Variants in L3MBTL4 observed in about 807,000 individuals in gnomAD.
L3MBTL4 encodes the protein lethal(3)malignant brain tumor-like protein 4.
L3MBTL4 carries 70 observed loss-of-function variants against 84.5 expected under a neutral mutation model. That is an observed-to-expected ratio of 0.83 (90% CI 0.68 to 1.01). The LOEUF (loss-of-function observed/expected upper bound fraction) is 1.01. Among genes scored for constraint, L3MBTL4 ranks in the 50% least tolerant of loss-of-function variants. L3MBTL4 has a pLI of 0.00. For missense variants in L3MBTL4, 715 were observed against 754.8 expected, an observed-to-expected ratio of 0.95 and a Z score of 0.62; for synonymous variants, 274 against 259.8, an observed-to-expected ratio of 1.05 and a Z score of -0.52.
intron 14 of L3MBTL4, among the ~76,000 whole-genome samples, chr18:6,114,536 G>A (rs2059298936): frequency 1.3e-5 from 2 of 151,978 alleles, no homozygotes; most frequent in Admixed American, 1.3e-4. Context: ...ATCATTTCTT[G>A]TAGATTCTGT....
intron 5 of L3MBTL4, among the ~76,000 whole-genome samples, chr18:6,251,173 G>T (rs576759137): frequency 6.6e-6 from 1 of 152,236 alleles, no homozygotes; most frequent in Non-Finnish European, 1.5e-5. Flanking sequence ...GCCCTTGCAG[G>T]CTTCGCTAAA....
intron 1 of L3MBTL4, among the ~76,000 whole-genome samples, chr18:6,384,562 A>C (rs1030385263): frequency 2.0e-5 from 3 of 152,244 alleles, no homozygotes; most frequent in Non-Finnish European, 4.4e-5. Context: ...AATCTGGGAC[A>C]CTATTTCTAA....
At chr18:6,259,628 A>T (rs1002728355) in intron 5 of L3MBTL4, 1 of 148,474 alleles carries the variant, frequency 6.7e-6, no homozygotes, top group East Asian at 2.0e-4. Flanking sequence ...GCCCATTTTT[A>T]ATGGGTTAAT....
chr18:6,244,346 T>A lies in L3MBTL4; in HGVS notation c.324+138A>T, dbSNP rs2047570378. 5.9e-6 allele frequency: 3 copies of A among 511,012 alleles called. No individual in the cohort carries two copies. The East Asian group carries it at 9.8e-5, about 17-fold the overall frequency. The allele number at this position is 511,012 out of a possible 1,614,324, so 31.7% of individuals were successfully genotyped here. A position where few individuals can be genotyped will look rare whatever the true frequency, so the allele number is the denominator to read the frequency against. ...AAAAAATTCACTAAGAAACATAGTT[T>A]CACCCATCGCTGACTAAAATAAATC... On this transcript the variant is annotated intron_variant, in intron 6 of 18. Transcript: ENST00000317931.
At chr18:6,028,912 TTA>T (rs2055642087) in intron 16 of L3MBTL4, among the ~76,000 whole-genome samples, 1 of 152,148 alleles carries the variant, frequency 6.6e-6, no homozygotes, top group African/African-American at 2.4e-5. Context: ...CCCCACAAGA[TTA>T]TCAGTTTTCA....
chr18:5,978,546 C>T (rs1033850002), intron 16 of L3MBTL4, among the ~76,000 whole-genome samples: 11 of 152,174 alleles, frequency 7.2e-5, no homozygotes, highest in Admixed American at 3.9e-4. Flanking sequence ...ACTGGAGTGG[C>T]TCTTATTTTG....
chr18:6,198,720 A>C (rs1268023933), intron 12 of L3MBTL4, among the ~76,000 whole-genome samples: 1 of 152,208 alleles, frequency 6.6e-6, no homozygotes, highest in Non-Finnish European at 1.5e-5. Flanking sequence ...ATCTCAGCCT[A>C]TTCAAAGGGG....
intron 16 of L3MBTL4, among the ~76,000 whole-genome samples, chr18:5,993,929 G>C (rs1329545688): frequency 6.6e-6 from 1 of 152,174 alleles, no homozygotes; most frequent in Non-Finnish European, 1.5e-5. Context: ...TATTATGTTA[G>C]TAAAGTTAGA....
intron 1 of L3MBTL4, among the ~76,000 whole-genome samples, chr18:6,328,885 C>A (rs1448388474): frequency 2.0e-5 from 3 of 152,162 alleles, no homozygotes; most frequent in Admixed American, 2.0e-4. Flanking sequence ...ATACACAGAG[C>A]TCTGCTGGAA....
At chr18:6,228,716 C>A (rs1440041677) in intron 10 of L3MBTL4, among the ~76,000 whole-genome samples, 2 of 152,040 alleles carry the variant, frequency 1.3e-5, no homozygotes, top group Non-Finnish European at 2.9e-5. Context: ...TGTATTTTCT[C>A]CTGCCGCAGG....
At chr18:6,390,635 A>G (rs1365829028) in intron 1 of L3MBTL4, among the ~76,000 whole-genome samples, 1 of 152,226 alleles carries the variant, frequency 6.6e-6, no homozygotes, top group Non-Finnish European at 1.5e-5. Flanking sequence ...ATTAGAAATG[A>G]AAGTGGAGAC....
At chr18:6,264,800 G>A (rs960956630) in intron 4 of L3MBTL4, among the ~76,000 whole-genome samples, 10 of 152,146 alleles carry the variant, frequency 6.6e-5, no homozygotes, top group Admixed American at 5.9e-4. Flanking sequence ...AAAAAAAATC[G>A]TTCCTAAAAG....
intron 16 of L3MBTL4, among the ~76,000 whole-genome samples, chr18:6,055,518 T>C (rs1288682131): frequency 6.6e-6 from 1 of 152,236 alleles, no homozygotes; most frequent in Non-Finnish European, 1.5e-5. Context: ...TGATTGATTT[T>C]TTTGCTGGGG....
chr18:6,240,095 C>T (rs2576291), intron 8 of L3MBTL4, among the ~76,000 whole-genome samples: 16,196 of 152,164 alleles, frequency 0.11, 2,942 homozygotes, highest in African/African-American at 0.37. Context: ...TGTGCTTTTG[C>T]CTTTTGTTGT....
At chr18:6,298,743 A>G (rs1249424655) in intron 4 of L3MBTL4, among the ~76,000 whole-genome samples, 1 of 152,016 alleles carries the variant, frequency 6.6e-6, no homozygotes, top group Non-Finnish European at 1.5e-5. Flanking sequence ...GCGTGGTGGC[A>G]GGCACCTGTA....
intron 1 of L3MBTL4, among the ~76,000 whole-genome samples, chr18:6,383,616 C>T (rs1040306810): frequency 2.0e-5 from 3 of 152,160 alleles, no homozygotes; most frequent in Non-Finnish European, 4.4e-5. Context: ...TGCCCTGTTT[C>T]GGCTTGCCCT....
chr18:6,405,256 T>C (rs1051389384), intron 1 of L3MBTL4, among the ~76,000 whole-genome samples: 1 of 152,172 alleles, frequency 6.6e-6, no homozygotes, highest in African/African-American at 2.4e-5. Flanking sequence ...AATACAACCA[T>C]GAAGATAGCT....
At chr18:6,292,315 T>C (rs1221732323) in intron 4 of L3MBTL4, among the ~76,000 whole-genome samples, 3 of 152,208 alleles carry the variant, frequency 2.0e-5, no homozygotes, top group Non-Finnish European at 4.4e-5. Flanking sequence ...TTTATTACAT[T>C]GTTGCTAATT....
chr18:5,958,071 A>G lies in L3MBTL4; in HGVS notation c.1678-1684T>C, dbSNP rs200834777. ...GAAGGAGAAGGAGAAGGAGAAGAAG[A>G]AGAAGAAGAAGAAGAAGAAGAAGAA... On this transcript the variant is annotated intron_variant, in intron 18 of 18. Transcript: ENST00000317931. Among the ~76,000 whole-genome samples, 10 of 35,882 alleles carry G rather than the reference A, an allele frequency of 2.8e-4. 1 individual carries two copies. In the East Asian group the frequency reaches 0.017, roughly 60 times the overall value. The allele number at this position is 35,882 out of a possible 152,430, so 23.5% of individuals were successfully genotyped here. A position where few individuals can be genotyped will look rare whatever the true frequency, so the allele number is the denominator to read the frequency against.
Sources: allele counts gnomAD v4.1 joint callset (sites outside exome capture counted in the v4.1 genomes callset), GRCh38; gene constraint gnomAD v4.1.1; transcripts MANE v1.5; gene names NCBI Gene and HGNC (gene_info 2026-07-23, HGNC 2026-07-21).